The following TMEM52B variants were observed in gnomAD, a reference collection of about 807,000 sequenced individuals.
TMEM52B encodes chromosome 12 open reading frame 59.
A neutral mutation model predicts 16.1 loss-of-function variants in TMEM52B; 11 were observed. The observed-to-expected ratio is 0.68, with a 90% CI of 0.43 to 1.13. TMEM52B has a LOEUF of 1.13. TMEM52B is among the 50% of genes most tolerant of loss of function. The probability of loss-of-function intolerance (pLI) is 0.00; values close to 1 mark genes in which losing one functional copy is unlikely to be tolerated. For synonymous variants in TMEM52B, 101 were observed against 93.8 expected (o/e 1.08, Z -0.45); for missense variants, 243 against 230.4 (o/e 1.05, Z -0.35).
At chr12:10,176,562 G>A (rs951704747), upstream of TMEM52B, among the ~76,000 whole-genome samples, 1 of 152,170 alleles carries the variant, frequency 6.6e-6, no homozygotes, top group African/African-American at 2.4e-5. Context: ...AGAATATCAG[G>A]AGACTAAAAT....
In TMEM52B at chr12:10,189,016, C is replaced by CAAAAAAAA. The variant is rs869240234; in HGVS notation, c.308-852_308-845dup. On this transcript the variant is annotated intron_variant, in intron 4 of 4. Coordinates refer to ENST00000543484, the MANE Select transcript of TMEM52B (RefSeq NM_001384896.1). ...TGGGCGACAGAGCGAGACTCCGTCT[C>CAAAAAAAA]AAAAAAAAAAAAAAAAAAAAAAAAA... is the stretch of plus-strand genomic sequence containing the variant. Among the ~76,000 whole-genome samples, 36 of 56,498 alleles carry CAAAAAAAA rather than the reference C, an allele frequency of 6.4e-4. 4 individuals carry two copies. Among genetic ancestry groups the CAAAAAAAA allele is most frequent in the Non-Finnish European group, 7.3e-4 (25 of 34,064 alleles). 37.1% of individuals were successfully genotyped at this position (56,498 alleles called of 152,430 possible).
At chr12:10,172,434 TG>T (rs1948731054) in intron 1 of TMEM52B, 1 of 169,078 alleles carries the variant, frequency 5.9e-6, no homozygotes, top group African/African-American at 2.4e-5. Flanking sequence ...ACACTACATT[TG>T]TAAAAAATGT....
chr12:10,184,138 A>T (rs953583480), intron 2 of TMEM52B, among the ~76,000 whole-genome samples: 1 of 152,240 alleles, frequency 6.6e-6, no homozygotes, highest in Non-Finnish European at 1.5e-5. Context: ...CAAAGGATGG[A>T]TTTGAAGAGT....
chr12:10,190,255 C>A lies in TMEM52B; in HGVS notation c.*115C>A. The A allele has an allele frequency of 1.5e-6, 2 of 1,329,508 alleles. No homozygotes were observed. The highest frequency in any genetic ancestry group is 2.1e-6 in the Non-Finnish European group (2 of 958,184). 82.4% of individuals were successfully genotyped at this position (1,329,508 alleles called of 1,614,324 possible). A position where few individuals can be genotyped will look rare whatever the true frequency, so the allele number is the denominator to read the frequency against. On this transcript the variant is annotated 3_prime_UTR_variant, in exon 5 of 5. Transcript: ENST00000543484. ...TAAGATGGCATCTAACACCATCATTCTATGGGAAAGATGGTTCTTACTCTT... is the reference window on the plus strand; with the variant it reads ...TAAGATGGCATCTAACACCATCATTATATGGGAAAGATGGTTCTTACTCTT...
At position 10,179,353 on chromosome 12, in the gene TMEM52B, T is replaced by C; in HGVS notation, c.-222T>C. 1 of 560,456 alleles carries C rather than the reference T, an allele frequency of 1.8e-6. No homozygotes were observed. The highest frequency in any genetic ancestry group is 2.2e-5 in the South Asian group (1 of 45,082). The allele number at this position is 560,456 out of a possible 1,614,324, so 34.7% of individuals were successfully genotyped here. On this transcript the variant is annotated 5_prime_UTR_variant, in exon 1 of 5. Transcript: ENST00000543484. ...GAGGCCATAGAAATAGTAATAAGAA[T>C]AAAGAAGAAAAACAGGAAAGAAGAG...
chr12:10,174,039 T>C (rs1948747452), upstream of TMEM52B, among the ~76,000 whole-genome samples: 1 of 140,624 alleles, frequency 7.1e-6, no homozygotes, highest in South Asian at 2.3e-4. Flanking sequence ...TGATGGTGAA[T>C]TTCATGTGTT....
At chr12:10,187,099 GTT>G (rs71049057) in intron 4 of TMEM52B, among the ~76,000 whole-genome samples, 2 of 82,180 alleles carry the variant, frequency 2.4e-5, no homozygotes, top group Non-Finnish European at 4.4e-5. Context: ...TTCCATGACG[GTT>G]TTTTTTTTTT....
At chr12:10,173,433 C>CTCCT (rs1009680164) in intron 1 of TMEM52B, among the ~76,000 whole-genome samples, 1 of 152,096 alleles carries the variant, frequency 6.6e-6, no homozygotes, top group African/African-American at 2.4e-5. Flanking sequence ...CATTTCCCTC[C>CTCCT]TCCTCCCTGT....
intron 1 of TMEM52B, chr12:10,172,192 G>T (rs1201679191): frequency 2.9e-6 from 2 of 697,706 alleles, no homozygotes; most frequent in African/African-American, 3.5e-5. Flanking sequence ...ATAGAAGAAT[G>T]ACTCAATCAT....
At chr12:10,176,942 A>G (rs1017709751), upstream of TMEM52B, among the ~76,000 whole-genome samples, 33 of 152,206 alleles carry the variant, frequency 2.2e-4, no homozygotes, top group Non-Finnish European at 1.9e-4. Flanking sequence ...CAAGAAAAAG[A>G]GAAGGGAAAG....
upstream of TMEM52B, among the ~76,000 whole-genome samples, chr12:10,177,352 T>C (rs1031507713): frequency 6.6e-6 from 1 of 152,204 alleles, no homozygotes; most frequent in African/African-American, 2.4e-5. Context: ...TTTGTTTTCC[T>C]TAGCTGAGAA....
At chr12:10,188,542 G>GAAAACGAAA (rs1433929985) in intron 4 of TMEM52B, among the ~76,000 whole-genome samples, 28 of 75,148 alleles carry the variant, frequency 3.7e-4, no homozygotes, top group Non-Finnish European at 6.7e-4. Context: ...GGAAGGAAAA[G>GAAAACGAAA]AAGAAAAAGA....
In TMEM52B at chr12:10,189,966, C is replaced by T. The variant is rs1279123719; in HGVS notation, c.378C>T (p.Gly126=). The T allele has an allele frequency of 1.9e-6, 3 of 1,614,172 alleles. No homozygotes were observed. The highest frequency in any genetic ancestry group is 2.5e-6 in the Non-Finnish European group (3 of 1,180,028). The change falls in exon 5 of 5, where the codon GGC becomes GGT. Residue 126 remains glycine (G), a synonymous_variant. Coordinates refer to ENST00000543484, the MANE Select transcript of TMEM52B (RefSeq NM_001384896.1). ...LAVAHSHSSL[G]QLPSSLDTLP... is the part of the protein sequence containing the mutation. ...TGGCTCACTCCCACAGCTCCCTGGG[C>T]CAGCTGCCCTCCTCTTTGGACACCC...
At position 10,190,199 on chromosome 12, in the gene TMEM52B, G is replaced by C; in HGVS notation, c.*59G>C. The C allele has an allele frequency of 1.3e-6, 2 of 1,599,128 alleles. No individual in the cohort carries two copies. Among genetic ancestry groups the C allele is most frequent in the South Asian group, 1.1e-5 (1 of 89,624 alleles). On this transcript the variant is annotated 3_prime_UTR_variant, in exon 5 of 5. Coordinates refer to ENST00000543484, the MANE Select transcript of TMEM52B (RefSeq NM_001384896.1). ...GATGTCCAGAGTCTGTGGGAAAATG[G>C]AACACATACTTTTCTAACCCTCAGA...
rs1003866321 is a variant in TMEM52B, at chr12:10,179,385, G to C, written c.-190G>C. On this transcript the variant is annotated 5_prime_UTR_variant, in exon 1 of 5. Transcript: ENST00000543484. ...GAAAAACAGGAAAGAAGAGGGAAAAGCCATAGAAAATAACAGCCAGAGCGA... is the reference window on the plus strand; with the variant it reads ...GAAAAACAGGAAAGAAGAGGGAAAACCCATAGAAAATAACAGCCAGAGCGA... 6.6e-6 allele frequency: 4 copies of C among 606,488 alleles called. No individual in the cohort carries two copies. The African/African-American group carries it at 7.4e-5, about 11-fold the overall frequency. 37.6% of individuals were successfully genotyped at this position (606,488 alleles called of 1,614,324 possible).
intron 1 of TMEM52B, among the ~76,000 whole-genome samples, chr12:10,180,252 G>A (rs1291360260): frequency 2.0e-5 from 3 of 149,094 alleles, no homozygotes; most frequent in South Asian, 2.2e-4. Context: ...TATGGCCCCC[G>A]TACAGAGTGG....
At chr12:10,175,499 T>G (rs1948759133), upstream of TMEM52B, 1 of 152,218 alleles carries the variant, frequency 6.6e-6, no homozygotes, top group South Asian at 2.1e-4. Context: ...ATAATAAAAG[T>G]ACATTGTTTT....
At position 10,180,372 on chromosome 12, in the gene TMEM52B, C is replaced by G. The variant is rs1279841180; in HGVS notation, c.54+744C>G. ...TTTGCTTCCTCTTCACTCCCTTTGCCTTGTCTTCCCTTCATTTTTCCTTTC... is the reference window on the plus strand; with the variant it reads ...TTTGCTTCCTCTTCACTCCCTTTGCGTTGTCTTCCCTTCATTTTTCCTTTC... On this transcript the variant is annotated intron_variant, in intron 1 of 4. Transcript: ENST00000543484. Among the ~76,000 whole-genome samples the G allele has an allele frequency of 2.0e-5, 3 of 151,336 alleles. No individual in the cohort carries two copies. In the Admixed American group the frequency reaches 2.0e-4, roughly 10 times the overall value.
Position 10,179,645 on chromosome 12 carries a change from A to C in TMEM52B, c.54+17A>C. 6.2e-7 allele frequency: 1 copy of C among 1,614,146 alleles called. No individual in the cohort carries two copies. Among genetic ancestry groups the C allele is most frequent in the Non-Finnish European group, 8.5e-7 (1 of 1,179,984 alleles). ...TTCATCCTGGTGAGTTCAGTGGTGA[A>C]AAGGCAGAAAGAGTATTTTTCCCCA... On this transcript the variant is annotated intron_variant, in intron 1 of 4. Coordinates refer to ENST00000543484, the MANE Select transcript of TMEM52B (RefSeq NM_001384896.1).
Sources: gnomAD v4.1 joint callset for allele counts (sites outside exome capture counted in the v4.1 genomes callset) on GRCh38, gnomAD v4.1.1 for gene constraint, MANE v1.5 for transcripts, NCBI Gene and HGNC (gene_info 2026-07-23, HGNC 2026-07-21) for gene names.